CHST8: variants seen among roughly 807,000 people sequenced by gnomAD.
CHST8 encodes the protein GALNAC-4-ST1.
In CHST8, 10 loss-of-function variants were observed where a neutral mutation model predicts 15.0. That is an observed-to-expected ratio of 0.67 (90% CI 0.41 to 1.13). The LOEUF (loss-of-function observed/expected upper bound fraction) is 1.13. Among genes scored for constraint, CHST8 ranks in the 50% most tolerant of loss-of-function variants. The probability of loss-of-function intolerance (pLI) is 0.00; values close to 1 mark genes in which losing one functional copy is unlikely to be tolerated. For missense variants in CHST8, 634 were observed against 608.2 expected (o/e 1.04, Z -0.45); for synonymous variants, 259 against 256.6 (o/e 1.01, Z -0.09).
chr19:33,693,396 A>G (rs1973137636), intron 3 of CHST8, among the ~76,000 whole-genome samples: 1 of 152,226 alleles, frequency 6.6e-6, no homozygotes, highest in South Asian at 2.1e-4. Flanking sequence ...TAATAACATC[A>G]AATTTAATGA....
intron 3 of CHST8, among the ~76,000 whole-genome samples, chr19:33,749,994 C>T (rs903401858): frequency 1.1e-4 from 17 of 152,326 alleles, no homozygotes; most frequent in African/African-American, 3.6e-4. Flanking sequence ...TGAGGCCTGG[C>T]GCCCCAGCTA....
At chr19:33,737,144 T>G (rs145466326) in intron 3 of CHST8, among the ~76,000 whole-genome samples, 2 of 152,332 alleles carry the variant, frequency 1.3e-5, no homozygotes, top group Admixed American at 6.5e-5. Flanking sequence ...TCATTAATAA[T>G]CTACCCGTTA....
intron 3 of CHST8, among the ~76,000 whole-genome samples, chr19:33,703,535 G>A (rs284338): frequency 6.6e-6 from 1 of 152,148 alleles, no homozygotes. Flanking sequence ...TGCGTGGGTC[G>A]GTAGGGGCGG....
At chr19:33,771,381 TAA>T in intron 3 of CHST8, 30 bp from the exon 4 acceptor site, 1 of 1,613,034 alleles carries the variant, frequency 6.2e-7, no homozygotes, top group African/African-American at 1.3e-5. Context: ...GCAGATCCGC[TAA>T]TACTGTCCTC....
Position 33,682,187 on chromosome 19 carries a change from G to T in CHST8, c.-86-6989G>T, listed in dbSNP as rs8104004. On this transcript the variant is annotated intron_variant, in intron 2 of 4. Coordinates refer to ENST00000650847, the MANE Select transcript of CHST8 (RefSeq NM_001127895.2). ...TGTGTGTGTTGTGGTTTTTGTTGTT[G>T]TTTTTTTTTTTTTTTTTTTTTTTGA... Among the ~76,000 whole-genome samples the T allele has an allele frequency of 6.5e-3, 615 of 95,280 alleles. 12 individuals are homozygous for T. Among genetic ancestry groups the T allele is most frequent in the African/African-American group, 0.022 (518 of 23,942 alleles). 62.5% of individuals were successfully genotyped at this position (95,280 alleles called of 152,430 possible).
At chr19:33,713,630 A>T (rs1973602481) in intron 3 of CHST8, among the ~76,000 whole-genome samples, 1 of 151,930 alleles carries the variant, frequency 6.6e-6, no homozygotes, top group African/African-American at 2.4e-5. Context: ...CAGTGACACC[A>T]TCTGGGCTCA....
At chr19:33,622,497 C>G (rs772362172) in intron 1 of CHST8, among the ~76,000 whole-genome samples, 1 of 152,196 alleles carries the variant, frequency 6.6e-6, no homozygotes, top group Non-Finnish European at 1.5e-5. Context: ...GGGACCGGCC[C>G]CGGTAGCGGG....
intron 3 of CHST8, among the ~76,000 whole-genome samples, chr19:33,696,611 A>G (rs139963051): frequency 3.9e-5 from 6 of 152,184 alleles, no homozygotes; most frequent in African/African-American, 1.4e-4. Context: ...AATAAATGTA[A>G]CGTGCTTGAA....
intron 3 of CHST8, among the ~76,000 whole-genome samples, chr19:33,757,907 GC>G (rs1232638233): frequency 1.3e-5 from 2 of 152,308 alleles, no homozygotes; most frequent in Admixed American, 1.3e-4. Flanking sequence ...TCAGGCCAGA[GC>G]CTTCCAGAGC....
intron 3 of CHST8, among the ~76,000 whole-genome samples, chr19:33,747,854 C>G (rs569417243): frequency 1.6e-4 from 25 of 152,062 alleles, no homozygotes; most frequent in Non-Finnish European, 3.2e-4. Flanking sequence ...AACTGACACA[C>G]AAGGGGGGTT....
In CHST8 at chr19:33,773,242, AC is replaced by A. The variant is rs544744141; in HGVS notation, c.*183del. On this transcript the variant is annotated 3_prime_UTR_variant, in exon 5 of 5. Coordinates refer to ENST00000650847, the MANE Select transcript of CHST8 (RefSeq NM_001127895.2). ...CAGAGGCGCCCAGCCTTGGATGGGG[AC>A]CCCAGCCCCTGGCCTGTACCTGTTT... The A allele has an allele frequency of 4.0e-4, 268 of 674,550 alleles. No homozygotes were observed. In the African/African-American group the frequency reaches 4.3e-3, roughly 11 times the overall value. The allele number at this position is 674,550 out of a possible 1,614,324, so 41.8% of individuals were successfully genotyped here. A position where few individuals can be genotyped will look rare whatever the true frequency, so the allele number is the denominator to read the frequency against.
At chr19:33,732,222 G>C (rs1205364011) in intron 3 of CHST8, among the ~76,000 whole-genome samples, 3 of 152,146 alleles carry the variant, frequency 2.0e-5, no homozygotes, top group African/African-American at 7.2e-5. Context: ...CCTCTTGTCT[G>C]GTCCTTCTAC....
chr19:33,762,703 T>C (rs1974760079), intron 3 of CHST8, among the ~76,000 whole-genome samples: 1 of 152,236 alleles, frequency 6.6e-6, no homozygotes, highest in African/African-American at 2.4e-5. Context: ...CCCCGCTTTG[T>C]GTCCCATTTG....
chr19:33,753,038 G>C (rs1323688755), intron 3 of CHST8, among the ~76,000 whole-genome samples: 1 of 152,114 alleles, frequency 6.6e-6, no homozygotes, highest in Non-Finnish European at 1.5e-5. Context: ...CCTGCAGCCA[G>C]GGGGGTGCAC....
rs548506339 is a variant in CHST8 at position 33,623,893 on chromosome 19, T to G, written c.-164+1597T>G. ...GTTCAGCAGACTGGCCTCTGTGAAG[T>G]GACCCACGGGAGGAATAACATTGGA... is the stretch of plus-strand genomic sequence containing the variant. On this transcript the variant is annotated intron_variant, in intron 1 of 4. Coordinates refer to ENST00000650847, the MANE Select transcript of CHST8 (RefSeq NM_001127895.2). Among the ~76,000 whole-genome samples the G allele has an allele frequency of 7.2e-5, 11 of 152,280 alleles. No individual in the cohort carries two copies. In the South Asian group the frequency reaches 1.9e-3, roughly 26 times the overall value.
chr19:33,728,724 G>T (rs1225676816), intron 3 of CHST8, among the ~76,000 whole-genome samples: 1 of 152,170 alleles, frequency 6.6e-6, no homozygotes, highest in Non-Finnish European at 1.5e-5. Flanking sequence ...GGAGGGGGAG[G>T]TGCAGGGGAG....
chr19:33,726,064 C>T (rs1973891659), intron 3 of CHST8, among the ~76,000 whole-genome samples: 3 of 152,202 alleles, frequency 2.0e-5, no homozygotes, highest in African/African-American at 4.8e-5. Context: ...CTGTAAGAAC[C>T]GGGGTCTGAG....
In CHST8 at chr19:33,771,964, C is replaced by A. The variant is rs1165751341; in HGVS notation, c.176C>A (p.Pro59Gln). Residue 59 changes from proline (P) to glutamine (Q), a missense_variant, in exon 5 of 5, where the codon CCA becomes CAA. By Grantham distance (76) the Pro-to-Gln change is moderately conservative. Coordinates refer to ENST00000650847, the MANE Select transcript of CHST8 (RefSeq NM_001127895.2). ...IRPRQPHHDL[P>Q]PGGSQDGDLK... ...CTTCTCTTCTTGCCCCAGGACCTCC[C>A]ACCAGGCGGCTCCCAGGATGGTGAC... The A allele has an allele frequency of 5.7e-6, 9 of 1,565,684 alleles. No homozygotes were observed. The highest frequency in any genetic ancestry group is 7.8e-6 in the Non-Finnish European group (9 of 1,158,692).
chr19:33,689,489 A>G, intron 3 of CHST8, 98 bp downstream of exon 3: 1 of 1,365,524 alleles, frequency 7.3e-7, no homozygotes, highest in Non-Finnish European at 9.7e-7. Context: ...CTTGGGGGAA[A>G]GGGGCAAGTC....
Sources: allele counts gnomAD v4.1 joint callset (sites outside exome capture counted in the v4.1 genomes callset), GRCh38; gene constraint gnomAD v4.1.1; transcripts MANE v1.5; gene names NCBI Gene and HGNC (gene_info 2026-07-23, HGNC 2026-07-21).